Variants in MDH2 observed in about 807,000 individuals in gnomAD.
The protein encoded by MDH2 is malate dehydrogenase 2.
A neutral mutation model predicts 33.6 loss-of-function variants in MDH2; 25 were observed. That is an observed-to-expected ratio of 0.74 (90% CI 0.54 to 1.04). The LOEUF is 1.04. Ranked by LOEUF, MDH2 falls within the 50% of genes least tolerant of loss-of-function variation. MDH2 has a pLI of 0.00. For synonymous variants in MDH2, 193 were observed against 188.7 expected (o/e 1.02, Z -0.19); for missense variants, 432 against 445.0 (o/e 0.97, Z 0.26).
intron 1 of MDH2, chr7:76,054,394 C>T (rs1554585890): frequency 9.8e-6 from 2 of 204,200 alleles, no homozygotes; most frequent in African/African-American, 2.4e-5. Flanking sequence ...ACAGTGTTCT[C>T]CCTGCTCCTA....
At position 76,060,381 on chromosome 7, in the gene MDH2, C is replaced by T. The variant is rs1262018341; in HGVS notation, c.438C>T (p.Ser146=). 1.9e-6 allele frequency: 3 copies of T among 1,614,082 alleles called. No individual in the cohort carries two copies. The South Asian group carries it at 3.3e-5, about 18-fold the overall frequency. ...TCTGTTGGATGTCCTAGGTTAATTC[C>T]ACCATCCCCATCACAGCAGAAGTTT... ...MICVIANPVN[S]TIPITAEVFK... Residue 146 remains serine, a synonymous_variant, in exon 5 of 9, where the codon TCC becomes TCT. Coordinates refer to ENST00000315758, the MANE Select transcript of MDH2 (RefSeq NM_005918.4).
intron 7 of MDH2, 140 bp downstream of exon 7, chr7:76,064,578 T>G: frequency 1.1e-6 from 1 of 945,376 alleles, no homozygotes; most frequent in Non-Finnish European, 1.6e-6. Context: ...AAAATCCCTG[T>G]GTGAGAGGGC....
rs1490696006 is a variant in MDH2, at chr7:76,067,200, C to A, written c.*790C>A. On this transcript the variant is annotated 3_prime_UTR_variant, in exon 9 of 9. Transcript: ENST00000315758. Reference sequence around the variant, plus strand: ...TGCGGAATTAAAGAGATTTGACTCCCTTTAGTATTGGGGGCAGTCCGTTCC... The same window carrying A: ...TGCGGAATTAAAGAGATTTGACTCCATTTAGTATTGGGGGCAGTCCGTTCC... 6.6e-6 allele frequency: 1 copy of A among 152,176 alleles called. No homozygotes were observed. Among genetic ancestry groups the A allele is most frequent in the Non-Finnish European group, 1.5e-5 (1 of 68,032 alleles). The allele number at this position is 152,176 out of a possible 1,614,324, so 9.4% of individuals were successfully genotyped here.
In MDH2 at chr7:76,062,923, T is replaced by C. The variant is rs556263759; in HGVS notation, c.556-592T>C. 2.0e-5 allele frequency among the ~76,000 whole-genome samples: 3 copies of C among 152,204 alleles called. No individual in the cohort carries two copies. In the East Asian group the frequency reaches 5.8e-4, roughly 29 times the overall value. ...TCAAAAAATAAAACAAAAACCTGGT[T>C]CACAGATTCTTGGGGGTGTGGTACC... On this transcript the variant is annotated intron_variant, in intron 5 of 8. Transcript: ENST00000315758.
Position 76,064,784 on chromosome 7 carries a change from C to T in MDH2, c.734-18C>T. On this transcript the variant is annotated intron_variant, in intron 7 of 8. Transcript: ENST00000315758. ...CGTTTGTGGCACCAGCCAGGCTGAC[C>T]TGTCTGTGCCCCCCTAGGCTCTGCC... 1 of 1,609,950 alleles carries T rather than the reference C, an allele frequency of 6.2e-7. No homozygotes were observed. Among genetic ancestry groups the T allele is most frequent in the African/African-American group, 1.3e-5 (1 of 74,980 alleles).
intron 2 of MDH2, 57 bp from the exon 3 acceptor site, chr7:76,057,353 T>C: frequency 1.2e-6 from 2 of 1,600,982 alleles, no homozygotes; most frequent in Non-Finnish European, 1.7e-6. Flanking sequence ...GGCTGAACTT[T>C]CCAGGCCTCT....
intron 2 of MDH2, 44 bp from the exon 3 acceptor site, chr7:76,057,366 G>GA: frequency 6.2e-7 from 1 of 1,609,412 alleles, no homozygotes; most frequent in Non-Finnish European, 8.5e-7. Flanking sequence ...AGGCCTCTCT[G>GA]AATCAGAAAC....
Position 76,051,888 on chromosome 7 carries a change from A to G in MDH2, c.67-2942A>G, listed in dbSNP as rs143376076. On this transcript the variant is annotated intron_variant, in intron 1 of 8. Coordinates refer to ENST00000315758, the MANE Select transcript of MDH2 (RefSeq NM_005918.4). ...CGGGTCTGGAAGACAGCTCTTTGAC[A>G]AGGAGATCATGATCTAACCTCCGGG... Among the ~76,000 whole-genome samples the G allele has an allele frequency of 1.3e-3, 205 of 152,336 alleles. 8 individuals are homozygous for G. In the South Asian group the frequency reaches 0.038, roughly 28 times the overall value.
At position 76,063,556 on chromosome 7, in the gene MDH2, C is replaced by G. The variant is rs1798009532; in HGVS notation, c.597C>G (p.Gly199=). The G allele has an allele frequency of 6.2e-7, 1 of 1,614,194 alleles. No homozygotes were observed. The highest frequency in any genetic ancestry group is 8.5e-7 in the Non-Finnish European group (1 of 1,180,026). ...PARVNVPVIG[G]HAGKTIIPLI... is the part of the protein sequence containing the mutation. ...GAGTCAACGTCCCTGTCATTGGTGG[C>G]CATGCTGGGAAGACCATCATCCCCC... Residue 199 remains glycine, a synonymous_variant, in exon 6 of 9, where the codon GGC becomes GGG. Coordinates refer to ENST00000315758, the MANE Select transcript of MDH2 (RefSeq NM_005918.4).
chr7:76,060,314 T>C (rs1030178722), intron 4 of MDH2, 59 bp from the exon 5 acceptor site: 29 of 1,593,684 alleles, frequency 1.8e-5, no homozygotes, highest in Middle Eastern at 1.7e-4. Context: ...TTTCCTGCTG[T>C]GGCTTGGCCC....
chr7:76,048,445 G>A (rs1313216649), intron 1 of MDH2: 7 of 1,126,678 alleles, frequency 6.2e-6, no homozygotes, highest in African/African-American at 1.7e-5. Context: ...CCCGCTCCAG[G>A]GCCGGTCCAT....
intron 1 of MDH2, chr7:76,049,068 T>C (rs1797491773): frequency 1.0e-6 from 1 of 984,970 alleles, no homozygotes; most frequent in Non-Finnish European, 1.2e-6. Context: ...GCATTGCCTT[T>C]TAATTACGAC....
chr7:76,065,102 G>A (rs1317126661), intron 8 of MDH2, 149 bp downstream of exon 8: 10 of 849,272 alleles, frequency 1.2e-5, no homozygotes, highest in South Asian at 3.5e-5. Flanking sequence ...ACGCACACCC[G>A]AGAAAAAAGA....
At chr7:76,064,566 G>T in intron 7 of MDH2, 128 bp downstream of exon 7, 1 of 981,186 alleles carries the variant, frequency 1.0e-6, no homozygotes, top group Non-Finnish European at 1.5e-6. Context: ...GTTGCCTGGT[G>T]GAAAATCCCT....
chr7:76,064,357 T>C lies in MDH2; in HGVS notation c.652T>C (p.Phe218Leu), dbSNP rs781886970. The C allele has an allele frequency of 6.2e-7, 1 of 1,613,030 alleles. No homozygotes were observed. Among genetic ancestry groups the C allele is most frequent in the Non-Finnish European group, 8.5e-7 (1 of 1,179,748 alleles). The change falls in exon 7 of 9, where the codon TTT becomes CTT. Residue 218 changes from phenylalanine (F) to leucine (L), a missense_variant. Coordinates refer to ENST00000315758, the MANE Select transcript of MDH2 (RefSeq NM_005918.4). ...CTTGCAGTGCACCCCCAAGGTGGACTTTCCCCAGGACCAGCTGACAGCACT... is the reference window on the plus strand; with the variant it reads ...CTTGCAGTGCACCCCCAAGGTGGACCTTCCCCAGGACCAGCTGACAGCACT... ...LISQCTPKVD[F>L]PQDQLTALTG...
At chr7:76,064,644 C>T (rs532297700) in intron 7 of MDH2, among the ~76,000 whole-genome samples, 158 bp from the exon 8 acceptor site, 1 of 152,302 alleles carries the variant, frequency 6.6e-6, no homozygotes, top group African/African-American at 2.4e-5. Flanking sequence ...AGAGTCAATT[C>T]TACACCATTC....
intron 1 of MDH2, among the ~76,000 whole-genome samples, chr7:76,051,318 A>ATT (rs11342333): frequency 4.1e-4 from 53 of 129,812 alleles, no homozygotes; most frequent in African/African-American, 9.7e-4. Context: ...CAGACTTTGG[A>ATT]TTTTTTTTTT....
At chr7:76,053,380 G>C (rs1168744692) in intron 1 of MDH2, among the ~76,000 whole-genome samples, 3 of 152,188 alleles carry the variant, frequency 2.0e-5, no homozygotes, top group Non-Finnish European at 4.4e-5. Flanking sequence ...TGAAGATCCA[G>C]AAGTGGGTGA....
At chr7:76,058,976 C>T (rs1554586642) in intron 4 of MDH2, among the ~76,000 whole-genome samples, 1 of 152,204 alleles carries the variant, frequency 6.6e-6, no homozygotes, top group Non-Finnish European at 1.5e-5. Flanking sequence ...TTGTTTTTGG[C>T]TCTGTCGCCC....
Sources: gnomAD v4.1 joint callset for allele counts (sites outside exome capture counted in the v4.1 genomes callset) on GRCh38, gnomAD v4.1.1 for gene constraint, MANE v1.5 for transcripts, NCBI Gene and HGNC (gene_info 2026-07-23, HGNC 2026-07-21) for gene names.